Variants in SUMF2 observed in about 807,000 individuals in gnomAD.
SUMF2 encodes sulfatase modifying factor 2, also known as inactive C-alpha-formylglycine-generating enzyme 2.
In SUMF2, 45 loss-of-function variants were observed where a neutral mutation model predicts 44.8. The ratio of observed to expected loss-of-function variants is 1.00; its 90% CI spans 0.79 to 1.29. The LOEUF (loss-of-function observed/expected upper bound fraction) is 1.29, where lower values mean the gene tolerates loss of function less well. SUMF2 is among the 50% of genes most tolerant of loss of function. The pLI, the probability that SUMF2 is intolerant of heterozygous loss-of-function variation, is 0.00. For missense variants in SUMF2, 418 were observed against 389.9 expected, an observed-to-expected ratio of 1.07 and a Z score of -0.61; for synonymous variants, 148 against 150.4, an observed-to-expected ratio of 0.98 and a Z score of 0.12.
In SUMF2 at chr7:56,073,074, C is replaced by T. The variant is rs1169967529; in HGVS notation, c.302C>T (p.Ser101Phe). ...AGCTTTGTCTTTGAGGACTTTGTCT[C>T]TGATGAGCTGAGAAACAAAGCCACC... ...GWSFVFEDFVSDELRNKATQP... is the reference protein window; with the variant it reads ...GWSFVFEDFVFDELRNKATQP... Residue 101 changes from serine to phenylalanine, a missense_variant, in exon 3 of 9, where the codon TCT becomes TTT. Transcript: ENST00000434526. 1 of 1,613,988 alleles carries T rather than the reference C, an allele frequency of 6.2e-7. No individual in the cohort carries two copies. The highest frequency in any genetic ancestry group is 8.5e-7 in the Non-Finnish European group (1 of 1,180,030).
chr7:56,069,080 GAT>G (rs1297634355), intron 2 of SUMF2, among the ~76,000 whole-genome samples: 1 of 152,086 alleles, frequency 6.6e-6, no homozygotes, highest in Non-Finnish European at 1.5e-5. Flanking sequence ...TGTACTATGG[GAT>G]ATGTTATTCA....
At chr7:56,076,518 A>T (rs1457426227) in intron 5 of SUMF2, 1 of 254,792 alleles carries the variant, frequency 3.9e-6, no homozygotes. Context: ...CATTTATGCA[A>T]TCTAAGTCCA....
intron 3 of SUMF2, 160 bp downstream of exon 3, chr7:56,073,271 A>G (rs1173816513): frequency 1.4e-6 from 1 of 697,408 alleles, no homozygotes; most frequent in Non-Finnish European, 2.6e-6. Context: ...AGATCAGTAC[A>G]CACTCCCAGG....
downstream of SUMF2, chr7:56,081,944 G>A: frequency 6.2e-7 from 1 of 1,613,912 alleles, no homozygotes; most frequent in African/African-American, 1.3e-5. This position sits in a 1 kb window ranked among gnomAD's most constrained non-coding sequence, Gnocchi z 4.6. Flanking sequence ...AGCCAAACTG[G>A]TAGTTGCCGC....
chr7:56,081,723 G>T (rs1401246822), downstream of SUMF2: 3 of 1,613,852 alleles, frequency 1.9e-6, no homozygotes, highest in Non-Finnish European at 2.5e-6. This position sits in a 1 kb window ranked among gnomAD's most constrained non-coding sequence, Gnocchi z 4.6. Flanking sequence ...CTGTGTAGCG[G>T]TTCTGGGGTT....
In SUMF2 at chr7:56,067,656, G is replaced by A. The variant is rs1368242233; in HGVS notation, c.68-826G>A. Among the ~76,000 whole-genome samples the A allele has an allele frequency of 2.0e-5, 3 of 152,098 alleles. No individual in the cohort carries two copies. The East Asian group carries it at 5.8e-4, about 29-fold the overall frequency. The stretch of plus-strand genomic sequence containing the variant: ...ACCTATAATCCCAGCACTTTGGGAG[G>A]CTGAGGTGGAAGGATCATTTGAGCT... On this transcript the variant is annotated intron_variant, in intron 1 of 8. Coordinates refer to ENST00000434526, the MANE Select transcript of SUMF2 (RefSeq NM_015411.4).
At chr7:56,074,334 G>A (rs1795388630) in intron 4 of SUMF2, 116 bp downstream of exon 4, 2 of 1,183,196 alleles carry the variant, frequency 1.7e-6, no homozygotes, top group South Asian at 1.3e-5. Flanking sequence ...AGAAGGATAG[G>A]GGAATATCAG....
downstream of SUMF2, chr7:56,082,221 C>G (rs147654051): frequency 1.2e-6 from 2 of 1,613,840 alleles, no homozygotes; most frequent in Admixed American, 3.3e-5. Context: ...TCGATAATCT[C>G]AGGGGCCAGG....
downstream of SUMF2, among the ~76,000 whole-genome samples, chr7:56,084,963 G>T (rs905003550): frequency 6.6e-6 from 1 of 151,842 alleles, no homozygotes; most frequent in African/African-American, 2.4e-5. Context: ...GCTGCAGCTG[G>T]TGAGTCTGGA....
At chr7:56,083,414 C>T (rs1420506721), downstream of SUMF2, 19 of 1,614,064 alleles carry the variant, frequency 1.2e-5, no homozygotes, top group Admixed American at 3.2e-4. Flanking sequence ...AGGTGCAGAT[C>T]ACCTCCAGCA....
At chr7:56,081,895 G>C (rs1300811735), downstream of SUMF2, 1 of 1,613,286 alleles carries the variant, frequency 6.2e-7, no homozygotes, top group Non-Finnish European at 8.5e-7. This position sits in a 1 kb window ranked among gnomAD's most constrained non-coding sequence, Gnocchi z 4.6. Flanking sequence ...CCTCTCACCA[G>C]GTCCTTCACG....
Position 56,071,641 on chromosome 7 carries a change from C to T in SUMF2, c.225-1356C>T, listed in dbSNP as rs796785165. On this transcript the variant is annotated intron_variant, in intron 2 of 8. Coordinates refer to ENST00000434526, the MANE Select transcript of SUMF2 (RefSeq NM_015411.4). ...CACTACTAAAAATACAAAAATTAGC[C>T]GGGTGTGCTGGCATACACCTGTAAT... 7.4e-5 allele frequency among the ~76,000 whole-genome samples: 11 copies of T among 149,138 alleles called. 1 individual carries two copies. In the Middle Eastern group the frequency reaches 0.011, roughly 152 times the overall value.
In SUMF2 at chr7:56,077,338, C is replaced by T. The variant is rs573688056; in HGVS notation, c.591+449C>T. On this transcript the variant is annotated intron_variant, in intron 6 of 8. Transcript: ENST00000434526. ...TGCTGGGATTACAGGCATGAGCCAC[C>T]GTGCCCAGCCAGCGTAAGTACTTTC... Among the ~76,000 whole-genome samples, 20 of 149,178 alleles carry T rather than the reference C, an allele frequency of 1.3e-4. 1 individual carries two copies. Among genetic ancestry groups the T allele is most frequent in the African/African-American group, 4.4e-4 (18 of 40,934 alleles).
At chr7:56,068,146 G>T (rs2117402515) in intron 1 of SUMF2, among the ~76,000 whole-genome samples, 1 of 145,856 alleles carries the variant, frequency 6.9e-6, no homozygotes, top group African/African-American at 2.5e-5. Flanking sequence ...CCATTCTCCT[G>T]CCTCAGCCTC....
chr7:56,066,082 CAAAAAAAA>C (rs71015176), intron 1 of SUMF2, among the ~76,000 whole-genome samples: 1 of 69,686 alleles, frequency 1.4e-5, no homozygotes, highest in Non-Finnish European at 2.6e-5. Context: ...CTCCGCCTCA[CAAAAAAAA>C]AAAAAAAAAA....
In SUMF2 at chr7:56,074,574, C is replaced by T; in HGVS notation, c.385-12C>T. On this transcript the variant is annotated splice_polypyrimidine_tract_variant and intron_variant, in intron 4 of 8. Transcript: ENST00000434526. ...CTCCCGGAAGCCTGTCTCACTTAAT[C>T]CTGGCTGTCAGCCTGCAGGTCCTGG... 4 of 1,613,686 alleles carry T rather than the reference C, an allele frequency of 2.5e-6. No homozygotes were observed. The highest frequency in any genetic ancestry group is 2.5e-6 in the Non-Finnish European group (3 of 1,179,702).
chr7:56,086,591 C>A, the SUMF2 span, among the ~76,000 whole-genome samples: 1 of 152,164 alleles, frequency 6.6e-6, no homozygotes, highest in South Asian at 2.1e-4. Flanking sequence ...TGGGTTCAAG[C>A]GATTCTCCTG....
downstream of SUMF2, chr7:56,080,708 G>A (rs1250421601): frequency 3.1e-6 from 1 of 324,692 alleles, no homozygotes; most frequent in East Asian, 7.1e-5. Context: ...GTGACCCTAA[G>A]GGAAGAAAGC....
downstream of SUMF2, chr7:56,083,120 A>AAG: frequency 1.6e-6 from 1 of 642,442 alleles, no homozygotes; most frequent in Non-Finnish European, 2.6e-6. Context: ...AAAAAAAAAA[A>AAG]GAAAGAAAAA....
Sources: gnomAD v4.1 joint callset for allele counts (sites outside exome capture counted in the v4.1 genomes callset) on GRCh38, gnomAD v4.1.1 for gene constraint, Gnocchi (gnomAD v3.1) non-coding constraint, MANE v1.5 for transcripts, NCBI Gene and HGNC (gene_info 2026-07-23, HGNC 2026-07-21) for gene names.